The following STX8 variants were observed in gnomAD, a reference collection of about 807,000 sequenced individuals.
STX8 encodes the protein syntaxin 8, also known as syntaxin-8.
STX8 carries 23 observed loss-of-function variants against 37.5 expected under a neutral mutation model. That is an observed-to-expected ratio of 0.61 (90% CI 0.44 to 0.87). The LOEUF (loss-of-function observed/expected upper bound fraction) is 0.87. Among genes scored for constraint, STX8 ranks in the 40% least tolerant of loss-of-function variants. The pLI is 0.00. For synonymous variants in STX8, 115 were observed against 99.1 expected (o/e 1.16, Z -0.95); for missense variants, 313 against 284.7 (o/e 1.10, Z -0.71).
intron 6 of STX8, among the ~76,000 whole-genome samples, chr17:9,428,725 C>A (rs1206342112): frequency 6.6e-6 from 1 of 152,164 alleles, no homozygotes; most frequent in Non-Finnish European, 1.5e-5. Flanking sequence ...AGTATGTAAT[C>A]AATATAGAAA....
chr17:9,271,423 A>G (rs991095051), intron 7 of STX8, among the ~76,000 whole-genome samples: 3 of 151,920 alleles, frequency 2.0e-5, no homozygotes, highest in Admixed American at 6.6e-5. Flanking sequence ...TTTGCACTCT[A>G]GCCTGGGTGA....
chr17:9,500,958 T>C (rs1025330225), intron 5 of STX8, among the ~76,000 whole-genome samples: 2 of 152,088 alleles, frequency 1.3e-5, no homozygotes, highest in African/African-American at 4.8e-5. Context: ...GGAGCCAAGA[T>C]CTCGCTACTG....
chr17:9,368,335 T>C (rs1911296421), intron 7 of STX8, among the ~76,000 whole-genome samples: 1 of 152,002 alleles, frequency 6.6e-6, no homozygotes, highest in African/African-American at 2.4e-5. Flanking sequence ...AAACTCCGTC[T>C]CTACTAAAAA....
intron 4 of STX8, among the ~76,000 whole-genome samples, chr17:9,526,573 A>C (rs1041549028): frequency 1.3e-5 from 2 of 152,180 alleles, no homozygotes; most frequent in African/African-American, 4.8e-5. Context: ...TAAAGAAAAC[A>C]CAAGTTGGAA....
intron 1 of STX8, among the ~76,000 whole-genome samples, chr17:9,574,846 GT>G (rs1434316883): frequency 6.6e-6 from 1 of 152,116 alleles, no homozygotes; most frequent in Non-Finnish European, 1.5e-5. Flanking sequence ...CTAAAATTAG[GT>G]TTAAAAAAGT....
intron 2 of STX8, among the ~76,000 whole-genome samples, chr17:9,564,838 G>A (rs1907390495): frequency 1.3e-5 from 2 of 152,150 alleles, no homozygotes; most frequent in African/African-American, 4.8e-5. Flanking sequence ...ATTCTTCACA[G>A]AACTAGAAAA....
intron 7 of STX8, among the ~76,000 whole-genome samples, chr17:9,376,567 G>A (rs937561110): frequency 1.3e-5 from 2 of 152,162 alleles, no homozygotes; most frequent in African/African-American, 2.4e-5. Flanking sequence ...ACCCGCTCGG[G>A]TCCCCTTACA....
intron 6 of STX8, among the ~76,000 whole-genome samples, chr17:9,390,386 G>C (rs1207382856): frequency 6.6e-6 from 1 of 151,992 alleles, no homozygotes; most frequent in Non-Finnish European, 1.5e-5. Flanking sequence ...CCTGGGCGTG[G>C]TGGTGGTTGT....
intron 6 of STX8, among the ~76,000 whole-genome samples, chr17:9,434,262 CAA>C (rs1271844116): frequency 1.8e-4 from 27 of 152,202 alleles, no homozygotes; most frequent in Non-Finnish European, 3.2e-4. Flanking sequence ...CTCAGCCTCC[CAA>C]AGTGCTGGGA....
At chr17:9,485,353 A>C (rs1300765039) in intron 6 of STX8, among the ~76,000 whole-genome samples, 1 of 152,180 alleles carries the variant, frequency 6.6e-6, no homozygotes, top group East Asian at 1.9e-4. Context: ...TGGGCAGATG[A>C]AGAAGGCATT....
At chr17:9,498,511 G>A (rs1196988880) in intron 5 of STX8, among the ~76,000 whole-genome samples, 1 of 152,128 alleles carries the variant, frequency 6.6e-6, no homozygotes, top group Non-Finnish European at 1.5e-5. Flanking sequence ...AAGATTTTAG[G>A]AAAGGAATCC....
chr17:9,431,361 G>A (rs151107507), intron 6 of STX8, among the ~76,000 whole-genome samples: 8 of 147,662 alleles, frequency 5.4e-5, no homozygotes, highest in South Asian at 4.2e-4. Flanking sequence ...GAGCCACTGC[G>A]CCTGGCCTTT....
At chr17:9,414,129 A>T (rs11657223) in intron 6 of STX8, among the ~76,000 whole-genome samples, 106 of 67,568 alleles carry the variant, frequency 1.6e-3, no homozygotes, top group Middle Eastern at 9.6e-3. Flanking sequence ...CATCCATCCA[A>T]CCATCCATCC....
intron 6 of STX8, among the ~76,000 whole-genome samples, chr17:9,395,232 C>T (rs1567542380): frequency 6.6e-6 from 1 of 152,074 alleles, no homozygotes; most frequent in Admixed American, 6.5e-5. Flanking sequence ...AACTACAAAA[C>T]CCAAATTCTA....
chr17:9,368,637 T>C (rs1373186921), intron 7 of STX8, among the ~76,000 whole-genome samples: 5 of 152,192 alleles, frequency 3.3e-5, no homozygotes, highest in African/African-American at 1.2e-4. Flanking sequence ...ACACTGCACA[T>C]GCAGGTCTCT....
At chr17:9,424,652 C>T (rs902249326) in intron 6 of STX8, among the ~76,000 whole-genome samples, 15 of 152,100 alleles carry the variant, frequency 9.9e-5, no homozygotes, top group African/African-American at 3.6e-4. Flanking sequence ...TGATCAACTT[C>T]GAGTTACAGA....
intron 7 of STX8, among the ~76,000 whole-genome samples, chr17:9,258,075 C>T (rs56330035): frequency 0.44 from 66,464 of 151,842 alleles, 16,429 homozygotes; most frequent in Non-Finnish European, 0.56. Flanking sequence ...GCAACCCACA[C>T]GTAGCTACTA....
At chr17:9,554,375 C>G (rs2151914546) in intron 3 of STX8, 1 of 152,264 alleles carries the variant, frequency 6.6e-6, no homozygotes, top group East Asian at 1.9e-4. Context: ...TTAACTTGGC[C>G]TCAGTATCTT....
chr17:9,438,784 C>G (rs7215388), intron 6 of STX8, among the ~76,000 whole-genome samples: 8,620 of 152,014 alleles, frequency 0.057, 717 homozygotes, highest in African/African-American at 0.18. Flanking sequence ...AAAAAATTAG[C>G]CGGGCGGTGG....
Sources: allele counts gnomAD v4.1 joint callset (sites outside exome capture counted in the v4.1 genomes callset), GRCh38; gene constraint gnomAD v4.1.1; transcripts MANE v1.5; gene names NCBI Gene and HGNC (gene_info 2026-07-23, HGNC 2026-07-21).